ZNF426: variants seen among roughly 807,000 people sequenced by gnomAD.
ZNF426 encodes the protein CTC-543D15.7.
A neutral mutation model predicts 24.0 loss-of-function variants in ZNF426; 23 were observed. The observed-to-expected ratio is 0.96, with a 90% CI of 0.69 to 1.36. The LOEUF (loss-of-function observed/expected upper bound fraction) is 1.36. ZNF426 is among the 40% of genes most tolerant of loss of function. ZNF426 has a pLI of 0.00. For synonymous variants in ZNF426, 272 were observed against 224.6 expected (o/e 1.21, Z -1.89); for missense variants, 646 against 658.4 (o/e 0.98, Z 0.21).
chr19:9,530,200 C>T (rs1489645799), intron 7 of ZNF426, among the ~76,000 whole-genome samples: 1 of 152,120 alleles, frequency 6.6e-6, no homozygotes, highest in Non-Finnish European at 1.5e-5. Flanking sequence ...CATTTGTAAT[C>T]CCAGCATTTT....
chr19:9,530,415 C>T (rs1226122009), intron 7 of ZNF426, among the ~76,000 whole-genome samples: 2 of 151,248 alleles, frequency 1.3e-5, no homozygotes, highest in Non-Finnish European at 2.9e-5. Flanking sequence ...GTTTGTGCCA[C>T]TGCAATCCAG....
intron 4 of ZNF426, 42 bp downstream of exon 4, chr19:9,535,146 T>A: frequency 2.0e-6 from 3 of 1,479,820 alleles, no homozygotes; most frequent in Non-Finnish European, 2.8e-6. Flanking sequence ...ACCTGGTGGA[T>A]GCAAGTATGT....
In ZNF426 at chr19:9,533,862, G is replaced by A. The variant is rs745749138; in HGVS notation, c.222C>T (p.Asn74=). 1 of 1,614,002 alleles carries A rather than the reference G, an allele frequency of 6.2e-7. No homozygotes were observed. The highest frequency in any genetic ancestry group is 1.3e-5 in the African/African-American group (1 of 74,924). Residue 74 remains asparagine (N), a synonymous_variant, in exon 5 of 8, where the codon AAC becomes AAT. Transcript: ENST00000253115. ...TACCTACTGTGGCCAGGTTCTTGTAGTTCTCCAGCATCACGTCACTGTAGA... is the reference window on the plus strand; with the variant it reads ...TACCTACTGTGGCCAGGTTCTTGTAATTCTCCAGCATCACGTCACTGTAGA... ...RSLYSDVMLE[N]YKNLATVGGQ...
chr19:9,532,196 C>CATA (rs2073895091), intron 6 of ZNF426, among the ~76,000 whole-genome samples: 1 of 150,828 alleles, frequency 6.6e-6, no homozygotes, highest in Non-Finnish European at 1.5e-5. Flanking sequence ...GGCAGGATGA[C>CATA]ATAAGGGTTC....
chr19:9,536,862 G>T (rs1303150308), intron 2 of ZNF426, among the ~76,000 whole-genome samples: 1 of 151,786 alleles, frequency 6.6e-6, no homozygotes, highest in Non-Finnish European at 1.5e-5. Flanking sequence ...TGGCTGGGCA[G>T]GGTGGCTCAC....
At chr19:9,535,344 G>T in intron 3 of ZNF426, 65 bp from the exon 4 acceptor site, 1 of 1,142,164 alleles carries the variant, frequency 8.8e-7, no homozygotes, top group Non-Finnish European at 1.3e-6. Flanking sequence ...CCTACCTAGA[G>T]GTCATTACCT....
At position 9,525,721 on chromosome 19, in the gene ZNF426, T is replaced by A. The variant is rs1180808395; in HGVS notation, c.*2659A>T. 1 of 152,178 alleles carries A rather than the reference T, an allele frequency of 6.6e-6. No homozygotes were observed. Among genetic ancestry groups the A allele is most frequent in the African/African-American group, 2.4e-5 (1 of 41,434 alleles). The allele number at this position is 152,178 out of a possible 1,614,324, so 9.4% of individuals were successfully genotyped here. On this transcript the variant is annotated 3_prime_UTR_variant, in exon 8 of 8. Coordinates refer to ENST00000253115, the MANE Select transcript of ZNF426 (RefSeq NM_024106.3). ...CCAGGATGGTCTCGATCTCCTGACC[T>A]CATGATCCACCCACCTCTGCCTCCC...
At chr19:9,532,430 G>A (rs1483180231) in intron 6 of ZNF426, among the ~76,000 whole-genome samples, 1 of 151,450 alleles carries the variant, frequency 6.6e-6, no homozygotes. Context: ...CTGAGTTACT[G>A]GGACAGCAGG....
rs1289569603 is a variant in ZNF426, at chr19:9,526,723, C to CCAGG, written c.*1653_*1656dup. The CCAGG allele has an allele frequency of 1.3e-5, 2 of 151,692 alleles. No individual in the cohort carries two copies. The highest frequency in any genetic ancestry group is 4.8e-5 in the African/African-American group (2 of 41,280). 9.4% of individuals were successfully genotyped at this position (151,692 alleles called of 1,614,324 possible). Reference sequence around the variant, plus strand: ...TTAACTCAGACACCAAAACGCAAATCCAGGAGGCTAAGCAAACACCAAGAA... The same window carrying CCAGG: ...TTAACTCAGACACCAAAACGCAAATCCAGGCAGGAGGCTAAGCAAACACCAAGAA... On this transcript the variant is annotated 3_prime_UTR_variant, in exon 8 of 8. Transcript: ENST00000253115.
intron 5 of ZNF426, 25 bp from the exon 6 acceptor site, chr19:9,532,950 G>A (rs1362953575): frequency 6.4e-7 from 1 of 1,560,008 alleles, no homozygotes; most frequent in Admixed American, 1.7e-5. Context: ...ATACATTAAT[G>A]GAAGAGGCTC....
rs1225686460 is a variant in ZNF426, at chr19:9,527,038, T to C, written c.*1342A>G. The C allele has an allele frequency of 6.6e-6, 1 of 152,198 alleles. No homozygotes were observed. Among genetic ancestry groups the C allele is most frequent in the Non-Finnish European group, 1.5e-5 (1 of 68,022 alleles). 9.4% of individuals were successfully genotyped at this position (152,198 alleles called of 1,614,324 possible). ...TTATAGGCATAAAAGTGAAATATAGTAATGATGGAAGGTCTGAGAGGGAGG... is the reference window on the plus strand; with the variant it reads ...TTATAGGCATAAAAGTGAAATATAGCAATGATGGAAGGTCTGAGAGGGAGG... On this transcript the variant is annotated 3_prime_UTR_variant, in exon 8 of 8. Coordinates refer to ENST00000253115, the MANE Select transcript of ZNF426 (RefSeq NM_024106.3).
chr19:9,538,173 C>T (rs1403539837), intron 2 of ZNF426, 86 bp downstream of exon 2: 1 of 152,104 alleles, frequency 6.6e-6, no homozygotes, highest in Non-Finnish European at 1.5e-5. Context: ...CACAATAAGA[C>T]GAAACCAAAC....
rs1191694273 is a variant in ZNF426 at position 9,531,767 on chromosome 19, G to A, written c.326-700C>T. On this transcript the variant is annotated intron_variant, in intron 6 of 7. Transcript: ENST00000253115. ...TGGGAGGCCGAGGCAGGCAGATCAC[G>A]AGGTCAGGATATTGAGATTATCCTG... Among the ~76,000 whole-genome samples, 3 of 152,106 alleles carry A rather than the reference G, an allele frequency of 2.0e-5. 1 individual carries two copies. Among genetic ancestry groups the A allele is most frequent in the South Asian group, 4.1e-4 (2 of 4,828 alleles).
intron 2 of ZNF426, 41 bp from the exon 3 acceptor site, chr19:9,536,397 A>G: frequency 6.6e-7 from 1 of 1,520,964 alleles, no homozygotes. Flanking sequence ...GTACTTAATC[A>G]TCAGCCATCA....
At chr19:9,533,009 T>C (rs1213924740) in intron 5 of ZNF426, 84 bp from the exon 6 acceptor site, 1 of 1,146,536 alleles carries the variant, frequency 8.7e-7, no homozygotes, top group Non-Finnish European at 1.3e-6. Context: ...ACAGATCTAA[T>C]GAAAGTGGTG....
chr19:9,531,368 A>G (rs1252555006), intron 6 of ZNF426, among the ~76,000 whole-genome samples: 2 of 151,322 alleles, frequency 1.3e-5, no homozygotes, highest in African/African-American at 4.9e-5. Flanking sequence ...CTTGGCAACA[A>G]ACAGAGTGAA....
In ZNF426 at chr19:9,535,174, C is replaced by G; in HGVS notation, c.117+14G>C. 6.3e-7 allele frequency: 1 copy of G among 1,599,840 alleles called. No individual in the cohort carries two copies. Among genetic ancestry groups the G allele is most frequent in the African/African-American group, 1.3e-5 (1 of 74,304 alleles). ...AAGTATGTCACTATGTATAAGAATACAGCTGCTTTTTACCTGATAACAATC... is the reference window on the plus strand; with the variant it reads ...AAGTATGTCACTATGTATAAGAATAGAGCTGCTTTTTACCTGATAACAATC... On this transcript the variant is annotated intron_variant, in intron 4 of 7. Coordinates refer to ENST00000253115, the MANE Select transcript of ZNF426 (RefSeq NM_024106.3).
rs1485279174 is a variant in ZNF426 at position 9,523,567 on chromosome 19, G to A, written c.*4813C>T. ...AAAGCCTTAATGTTAATGAGTGGAT[G>A]GGACATGTGACATAATCTAAATCAG... On this transcript the variant is annotated 3_prime_UTR_variant, in exon 8 of 8. Coordinates refer to ENST00000253115, the MANE Select transcript of ZNF426 (RefSeq NM_024106.3). The A allele has an allele frequency of 6.6e-6, 1 of 152,216 alleles. No individual in the cohort carries two copies. The highest frequency in any genetic ancestry group is 2.4e-5 in the African/African-American group (1 of 41,456). 9.4% of individuals were successfully genotyped at this position (152,216 alleles called of 1,614,324 possible). A position where few individuals can be genotyped will look rare whatever the true frequency, so the allele number is the denominator to read the frequency against.
In ZNF426 at chr19:9,538,320, G is replaced by A. The variant is rs1270233701; in HGVS notation, c.-186C>T. ...AAGATCCTGGGGACGGAGCCAACGC[G>A]GATGCAAAAGGCAGCAATTATTTTC... On this transcript the variant is annotated 5_prime_UTR_variant, in exon 2 of 8. Transcript: ENST00000253115. 3 of 152,192 alleles carry A rather than the reference G, an allele frequency of 2.0e-5. No individual in the cohort carries two copies. Among genetic ancestry groups the A allele is most frequent in the Non-Finnish European group, 4.4e-5 (3 of 68,044 alleles). 9.4% of individuals were successfully genotyped at this position (152,192 alleles called of 1,614,324 possible).
Sources: allele counts gnomAD v4.1 joint callset (sites outside exome capture counted in the v4.1 genomes callset), GRCh38; gene constraint gnomAD v4.1.1; transcripts MANE v1.5; gene names NCBI Gene and HGNC (gene_info 2026-07-23, HGNC 2026-07-21).